Variants in RBMS3 observed in about 807,000 individuals in gnomAD.
RBMS3 encodes the protein RNA-binding motif, single-stranded-interacting protein 3.
Under a neutral mutation model 66.8 loss-of-function variants are expected in RBMS3, and 27 were observed. That is an observed-to-expected ratio of 0.40 (90% CI 0.30 to 0.56). The LOEUF is 0.56. Ranked by LOEUF, RBMS3 falls within the 20% of genes least tolerant of loss-of-function variation. The pLI is 0.40. For missense variants in RBMS3, 513 were observed against 549.5 expected (o/e 0.93, Z 0.66); for synonymous variants, 188 against 183.0 (o/e 1.03, Z -0.22).
At chr3:29,392,565 A>G (rs937746535) in intron 1 of RBMS3, among the ~76,000 whole-genome samples, 1 of 152,236 alleles carries the variant, frequency 6.6e-6, no homozygotes, top group Admixed American at 6.5e-5. Context: ...TTTAGTACTT[A>G]TTATAATTTG....
At chr3:29,695,588 A>T (rs542836281) in intron 4 of RBMS3, among the ~76,000 whole-genome samples, 1 of 152,226 alleles carries the variant, frequency 6.6e-6, no homozygotes, top group Non-Finnish European at 1.5e-5. Context: ...TCCAAGTGCA[A>T]AATTTTAAGT....
chr3:29,473,146 T>C (rs2042805496), intron 2 of RBMS3, among the ~76,000 whole-genome samples: 1 of 149,218 alleles, frequency 6.7e-6, no homozygotes, highest in African/African-American at 2.5e-5. Context: ...TACAATCCCT[T>C]AGCTAGACAT....
At chr3:29,754,289 A>G (rs955865525) in intron 5 of RBMS3, among the ~76,000 whole-genome samples, 1 of 152,210 alleles carries the variant, frequency 6.6e-6, no homozygotes, top group South Asian at 2.1e-4. Context: ...ATTCAAAATA[A>G]CACTAGCTCA....
intron 3 of RBMS3, among the ~76,000 whole-genome samples, chr3:29,580,739 G>T (rs964576176): frequency 6.6e-6 from 1 of 151,266 alleles, no homozygotes; most frequent in Admixed American, 6.6e-5. Context: ...GTTCAAAAAT[G>T]TCACTAATAA....
intron 1 of RBMS3, among the ~76,000 whole-genome samples, chr3:29,407,123 A>G (rs2040054074): frequency 6.6e-6 from 1 of 152,230 alleles, no homozygotes; most frequent in African/African-American, 2.4e-5. Flanking sequence ...GTTCAGTGAT[A>G]AACTTAAAAA....
At chr3:29,444,788 CT>C (rs558839351) in intron 2 of RBMS3, among the ~76,000 whole-genome samples, 194 of 50,460 alleles carry the variant, frequency 3.8e-3, no homozygotes, top group Non-Finnish European at 4.9e-3. Flanking sequence ...AAATATATGC[CT>C]TTTTTTTTTT....
intron 12 of RBMS3, among the ~76,000 whole-genome samples, chr3:29,946,431 A>C (rs562070511): frequency 1.3e-5 from 2 of 151,834 alleles, no homozygotes; most frequent in South Asian, 2.1e-4. Context: ...AATTTCATTC[A>C]ATCAATATTT....
intron 6 of RBMS3, chr3:29,766,226 G>C (rs1011257181): frequency 2.6e-5 from 4 of 151,942 alleles, no homozygotes; most frequent in Non-Finnish European, 4.4e-5. Context: ...TTCTGTCACT[G>C]TTGACAATGA....
intron 1 of RBMS3, among the ~76,000 whole-genome samples, chr3:29,387,936 C>T (rs540467642): frequency 1.3e-5 from 2 of 152,224 alleles, no homozygotes; most frequent in African/African-American, 4.8e-5. Context: ...GTGCTGGCCT[C>T]TTACCTATTT....
At chr3:29,416,692 C>T (rs895258771) in intron 1 of RBMS3, among the ~76,000 whole-genome samples, 14 of 152,094 alleles carry the variant, frequency 9.2e-5, no homozygotes, top group African/African-American at 3.4e-4. Context: ...AATACTCATA[C>T]TCCTCACTGT....
intron 3 of RBMS3, among the ~76,000 whole-genome samples, chr3:29,582,856 C>T (rs1015586352): frequency 6.6e-6 from 1 of 152,042 alleles, no homozygotes; most frequent in African/African-American, 2.4e-5. Flanking sequence ...CTCAGTAATG[C>T]AATGTTTATT....
intron 11 of RBMS3, among the ~76,000 whole-genome samples, chr3:29,941,789 G>T (rs913543475): frequency 1.3e-5 from 2 of 151,714 alleles, no homozygotes; most frequent in African/African-American, 4.8e-5. Context: ...TACAAAAATT[G>T]TAATGAAAGA....
intron 14 of RBMS3, among the ~76,000 whole-genome samples, chr3:29,997,173 A>G (rs918916642): frequency 1.6e-4 from 24 of 152,102 alleles, no homozygotes; most frequent in Non-Finnish European, 2.6e-4. Context: ...TCTAGAAGAA[A>G]TGGATAAATT....
At chr3:29,715,045 A>C (rs2149312349) in intron 4 of RBMS3, among the ~76,000 whole-genome samples, 1 of 152,294 alleles carries the variant, frequency 6.6e-6, no homozygotes, top group Non-Finnish European at 1.5e-5. Context: ...CTTGAAGATA[A>C]TTCCATTCTT....
At chr3:29,576,735 A>G (rs898865581) in intron 3 of RBMS3, among the ~76,000 whole-genome samples, 3 of 152,178 alleles carry the variant, frequency 2.0e-5, no homozygotes, top group African/African-American at 7.2e-5. Flanking sequence ...CCACAGGCAG[A>G]GGAGCCTCTC....
At chr3:29,545,312 T>C (rs1342058891) in intron 3 of RBMS3, among the ~76,000 whole-genome samples, 1 of 152,118 alleles carries the variant, frequency 6.6e-6, no homozygotes, top group Admixed American at 6.6e-5. Flanking sequence ...TAGAAATAAT[T>C]TCATTTTCTT....
intron 12 of RBMS3, among the ~76,000 whole-genome samples, chr3:29,946,455 A>G (rs988853140): frequency 6.6e-6 from 1 of 151,726 alleles, no homozygotes; most frequent in Non-Finnish European, 1.5e-5. Flanking sequence ...CATTTATTGA[A>G]CAACTTCTGA....
intron 11 of RBMS3, among the ~76,000 whole-genome samples, chr3:29,941,171 G>A (rs961863324): frequency 1.3e-5 from 2 of 151,816 alleles, no homozygotes; most frequent in African/African-American, 4.8e-5. Context: ...GATTTCCACA[G>A]TGTAACCATA....
At chr3:29,434,950 C>T in intron 2 of RBMS3, 35 bp downstream of exon 2, 2 of 1,582,464 alleles carry the variant, frequency 1.3e-6, no homozygotes, top group Non-Finnish European at 1.7e-6. Context: ...CTGTTTCTCA[C>T]TCCCATACTT....
Sources: gnomAD v4.1 joint callset for allele counts (sites outside exome capture counted in the v4.1 genomes callset) on GRCh38, gnomAD v4.1.1 for gene constraint, MANE v1.5 for transcripts, NCBI Gene and HGNC (gene_info 2026-07-23, HGNC 2026-07-21) for gene names.